KCNQ1: variants seen among roughly 807,000 people sequenced by gnomAD.
KCNQ1 encodes the protein potassium voltage-gated channel subfamily KQT member 1.
In KCNQ1, 49 loss-of-function variants were observed where a neutral mutation model predicts 72.4. The observed-to-expected ratio is 0.68, with a 90% CI of 0.54 to 0.86. The LOEUF (loss-of-function observed/expected upper bound fraction) is 0.86, where lower values mean the gene tolerates loss of function less well. Ranked by LOEUF, KCNQ1 falls within the 40% of genes least tolerant of loss-of-function variation. The pLI is 0.00. For missense variants in KCNQ1, 790 were observed against 945.1 expected (o/e 0.84, Z 2.15); for synonymous variants, 450 against 412.6 (o/e 1.09, Z -1.10).
rs1037193605 is a variant in KCNQ1, at chr11:2,679,483, T to A, written c.1514+17402T>A. On this transcript the variant is annotated intron_variant, in intron 11 of 15. Coordinates refer to ENST00000155840, the MANE Select transcript of KCNQ1 (RefSeq NM_000218.3). The surrounding 1 kb of genome is among the most constrained non-coding windows in gnomAD (Gnocchi z 4.8). ...TATAAAGTATGCAGAAAAGTGCCTGTCCTATAGTAGTGACACAGTGTTACT... is the reference window on the plus strand; with the variant it reads ...TATAAAGTATGCAGAAAAGTGCCTGACCTATAGTAGTGACACAGTGTTACT... 5.0e-6 allele frequency: 2 copies of A among 398,534 alleles called. No homozygotes were observed. Among genetic ancestry groups the A allele is most frequent in the Non-Finnish European group, 8.8e-6 (2 of 226,078 alleles). The allele number at this position is 398,534 out of a possible 1,614,324, so 24.7% of individuals were successfully genotyped here.
intron 1 of KCNQ1, among the ~76,000 whole-genome samples, chr11:2,514,775 G>A (rs1847262223): frequency 6.6e-6 from 1 of 152,182 alleles, no homozygotes; most frequent in Admixed American, 6.5e-5. Context: ...GCAGTGAGCC[G>A]AGATTGCGCC....
At position 2,848,744 on chromosome 11, in the gene KCNQ1, C is replaced by T. The variant is rs748877199; in HGVS notation, c.*741C>T. On this transcript the variant is annotated 3_prime_UTR_variant, in exon 16 of 16. Transcript: ENST00000155840. ...CTGAGCCCACTGTGCGTGGGGCTCC[C>T]GCCTCCAACCCCTCGCCCAGTCCCA... is the stretch of plus-strand genomic sequence containing the variant. 5.9e-5 allele frequency: 27 copies of T among 453,878 alleles called. No homozygotes were observed. The highest frequency in any genetic ancestry group is 1.4e-4 in the South Asian group (9 of 64,478). The allele number at this position is 453,878 out of a possible 1,614,324, so 28.1% of individuals were successfully genotyped here. A position where few individuals can be genotyped will look rare whatever the true frequency, so the allele number is the denominator to read the frequency against.
intron 11 of KCNQ1, among the ~76,000 whole-genome samples, chr11:2,700,316 C>T (rs1236940579): frequency 6.6e-6 from 1 of 152,158 alleles, no homozygotes; most frequent in Non-Finnish European, 1.5e-5. Flanking sequence ...CCAGCCTCAG[C>T]GTTGGCATCG....
intron 11 of KCNQ1, among the ~76,000 whole-genome samples, chr11:2,721,834 C>T (rs550650242): frequency 6.6e-6 from 1 of 152,362 alleles, no homozygotes; most frequent in South Asian, 2.1e-4. Context: ...TCTGTCCATC[C>T]ATCCATCTGT....
Position 2,692,777 on chromosome 11 carries a change from G to A in KCNQ1, c.1514+30696G>A, listed in dbSNP as rs374627721. 11 of 398,686 alleles carry A rather than the reference G, an allele frequency of 2.8e-5. No individual in the cohort carries two copies. The South Asian group carries it at 8.9e-4, about 32-fold the overall frequency. 24.7% of individuals were successfully genotyped at this position (398,686 alleles called of 1,614,324 possible). On this transcript the variant is annotated intron_variant, in intron 11 of 15. Transcript: ENST00000155840. ...GGCCAGGGTCTAGTACCTGCTGAGT[G>A]TTTGACAAATATTTCTTGAATGACT...
At chr11:2,452,393 G>T (rs1846129878) in intron 1 of KCNQ1, among the ~76,000 whole-genome samples, 1 of 152,180 alleles carries the variant, frequency 6.6e-6, no homozygotes, top group African/African-American at 2.4e-5. Flanking sequence ...ACCCCACCCT[G>T]GGGCCAGGGG....
chr11:2,830,425 C>T lies in KCNQ1; in HGVS notation c.1795-17342C>T, dbSNP rs1307666561. Among the ~76,000 whole-genome samples the T allele has an allele frequency of 6.6e-6, 1 of 152,068 alleles. No homozygotes were observed. The highest frequency in any genetic ancestry group is 2.4e-5 in the African/African-American group (1 of 41,400). On this transcript the variant is annotated intron_variant, in intron 15 of 15. Coordinates refer to ENST00000155840, the MANE Select transcript of KCNQ1 (RefSeq NM_000218.3). The surrounding 1 kb of genome is among the most constrained non-coding windows in gnomAD (Gnocchi z 7.7). Reference sequence around the variant, plus strand: ...CCGGGATCTAAGTCCCTGTTAAGTCCCCTGTTAAAGGACCTAGGTCCTCCC... The same window carrying T: ...CCGGGATCTAAGTCCCTGTTAAGTCTCCTGTTAAAGGACCTAGGTCCTCCC...
In KCNQ1 at chr11:2,668,319, G is replaced by A. The variant is rs1195884145; in HGVS notation, c.1514+6238G>A. On this transcript the variant is annotated intron_variant, in intron 11 of 15. Transcript: ENST00000155840. This position sits in a 1 kb window ranked among gnomAD's most constrained non-coding sequence, Gnocchi z 4.3. ...CAGGTTGCGTTTCTGGGGAATATAT[G>A]CCTATGTGTGGAGCTGCAGGGTCCT... The A allele has an allele frequency of 7.5e-6, 3 of 398,488 alleles. No homozygotes were observed. Among genetic ancestry groups the A allele is most frequent in the Non-Finnish European group, 1.3e-5 (3 of 226,092 alleles). The allele number at this position is 398,488 out of a possible 1,614,324, so 24.7% of individuals were successfully genotyped here.
At chr11:2,789,368 C>G (rs932298768) in intron 15 of KCNQ1, among the ~76,000 whole-genome samples, 1 of 152,198 alleles carries the variant, frequency 6.6e-6, no homozygotes, top group African/African-American at 2.4e-5. Flanking sequence ...AGAAAAGCAC[C>G]AGGGTCGGGC....
intron 2 of KCNQ1, among the ~76,000 whole-genome samples, chr11:2,558,023 A>T (rs1848097301): frequency 6.6e-6 from 1 of 152,262 alleles, no homozygotes; most frequent in African/African-American, 2.4e-5. Flanking sequence ...AAATGATTAA[A>T]AGATTGGGGA....
chr11:2,673,616 C>T lies in KCNQ1; in HGVS notation c.1514+11535C>T. 2.5e-6 allele frequency: 1 copy of T among 398,778 alleles called. No homozygotes were observed. The highest frequency in any genetic ancestry group is 4.4e-5 in the Admixed American group (1 of 22,746). The allele number at this position is 398,778 out of a possible 1,614,324, so 24.7% of individuals were successfully genotyped here. A position where few individuals can be genotyped will look rare whatever the true frequency, so the allele number is the denominator to read the frequency against. On this transcript the variant is annotated intron_variant, in intron 11 of 15. Coordinates refer to ENST00000155840, the MANE Select transcript of KCNQ1 (RefSeq NM_000218.3). The surrounding 1 kb of genome is among the most constrained non-coding windows in gnomAD (Gnocchi z 4.5). ...AGAGAAGCTAAACGTGACCAGCCTA[C>T]CCACCTTGCTACTGCTGATGACCAC...
rs55865890 is a variant in KCNQ1, at chr11:2,501,718, C to CAAAAAAAAAAAAAA, written c.387-26194_387-26181dup. ...TTACCAAAACCAGACAAAGATACAT[C>CAAAAAAAAAAAAAA]AAAAAAAAAAAAAAAAAAAAAAAAA... is the stretch of plus-strand genomic sequence containing the variant. On this transcript the variant is annotated intron_variant, in intron 1 of 15. Coordinates refer to ENST00000155840, the MANE Select transcript of KCNQ1 (RefSeq NM_000218.3). Among the ~76,000 whole-genome samples, 8 of 68,906 alleles carry CAAAAAAAAAAAAAA rather than the reference C, an allele frequency of 1.2e-4. 1 individual carries two copies. The highest frequency in any genetic ancestry group is 1.7e-4 in the Non-Finnish European group (6 of 34,646). 45.2% of individuals were successfully genotyped at this position (68,906 alleles called of 152,430 possible).
chr11:2,733,814 A>ACACACACACACACACACACTCT lies in KCNQ1; in HGVS notation c.1515-35029_1515-35028insACACACACACACACACACTCTC. Among the ~76,000 whole-genome samples, 251 of 86,422 alleles carry ACACACACACACACACACACTCT rather than the reference A, an allele frequency of 2.9e-3. 5 individuals are homozygous for ACACACACACACACACACACTCT. Among genetic ancestry groups the ACACACACACACACACACACTCT allele is most frequent in the Middle Eastern group, 6.9e-3 (1 of 144 alleles). 56.7% of individuals were successfully genotyped at this position (86,422 alleles called of 152,430 possible). ...CACACACACACACACACACACACACACTCTCTCACTCTCTCTCTCTCTCTC... is the reference window on the plus strand; with the variant it reads ...CACACACACACACACACACACACACACACACACACACACACACACTCTCTCTCTCACTCTCTCTCTCTCTCTC... On this transcript the variant is annotated intron_variant, in intron 11 of 15. Coordinates refer to ENST00000155840, the MANE Select transcript of KCNQ1 (RefSeq NM_000218.3).
intron 2 of KCNQ1, among the ~76,000 whole-genome samples, chr11:2,534,347 G>A (rs1032464127): frequency 5.3e-5 from 8 of 152,244 alleles, no homozygotes; most frequent in African/African-American, 1.4e-4. Flanking sequence ...GGCCTGGGGC[G>A]GTTTCCCGCA....
Position 2,848,223 on chromosome 11 carries a change from G to A in KCNQ1, c.*220G>A. ...GGCCGGTGTGGGGGCCCCGTCTCAG[G>A]TCTGAGTTGTTACCCCAAGCGCCCT... On this transcript the variant is annotated 3_prime_UTR_variant, in exon 16 of 16. Transcript: ENST00000155840. The A allele has an allele frequency of 3.0e-6, 2 of 662,212 alleles. No homozygotes were observed. The highest frequency in any genetic ancestry group is 2.7e-6 in the Non-Finnish European group (1 of 365,590). 41.0% of individuals were successfully genotyped at this position (662,212 alleles called of 1,614,324 possible).
rs920595305 is a variant in KCNQ1, at chr11:2,627,083, T to C, written c.1394-34878T>C. 1.0e-5 allele frequency: 4 copies of C among 398,490 alleles called. No individual in the cohort carries two copies. Among genetic ancestry groups the C allele is most frequent in the Non-Finnish European group, 1.8e-5 (4 of 226,070 alleles). The allele number at this position is 398,490 out of a possible 1,614,324, so 24.7% of individuals were successfully genotyped here. Reference sequence around the variant, plus strand: ...GGAGGTGTTTTCCCTTTATGTCTACTTTAATTTCTTTCAGCATTGTTTTGT... The same window carrying C: ...GGAGGTGTTTTCCCTTTATGTCTACCTTAATTTCTTTCAGCATTGTTTTGT... On this transcript the variant is annotated intron_variant, in intron 10 of 15. Transcript: ENST00000155840. This position sits in a 1 kb window ranked among gnomAD's most constrained non-coding sequence, Gnocchi z 4.9.
intron 1 of KCNQ1, among the ~76,000 whole-genome samples, chr11:2,456,479 C>T (rs572409591): frequency 2.0e-5 from 3 of 152,084 alleles, no homozygotes; most frequent in Non-Finnish European, 2.9e-5. Context: ...TAAAGAGCTG[C>T]TGCACAGCAA....
In KCNQ1 at chr11:2,526,312, C is replaced by T. The variant is rs983977182; in HGVS notation, c.387-1616C>T. Reference sequence around the variant, plus strand: ...TGGGCAGGGTGCAGACAGGGGCTGGCTGGGTTCGGCTCTGCAGGTAGAGCT... The same window carrying T: ...TGGGCAGGGTGCAGACAGGGGCTGGTTGGGTTCGGCTCTGCAGGTAGAGCT... On this transcript the variant is annotated intron_variant, in intron 1 of 15. Transcript: ENST00000155840. The surrounding 1 kb of genome is among the most constrained non-coding windows in gnomAD (Gnocchi z 6.1). Among the ~76,000 whole-genome samples, 9 of 151,944 alleles carry T rather than the reference C, an allele frequency of 5.9e-5. No homozygotes were observed. Among genetic ancestry groups the T allele is most frequent in the African/African-American group, 2.2e-4 (9 of 41,354 alleles).
Position 2,492,204 on chromosome 11 carries a change from G to A in KCNQ1, c.387-35724G>A, listed in dbSNP as rs188978277. Among the ~76,000 whole-genome samples, 3 of 152,252 alleles carry A rather than the reference G, an allele frequency of 2.0e-5. No individual in the cohort carries two copies. Among genetic ancestry groups the A allele is most frequent in the Non-Finnish European group, 1.5e-5 (1 of 68,030 alleles). On this transcript the variant is annotated intron_variant, in intron 1 of 15. Transcript: ENST00000155840. This position sits in a 1 kb window ranked among gnomAD's most constrained non-coding sequence, Gnocchi z 4.1. ...TATTATAACACTGTAATTATGGTGT[G>A]TAAACTACTCATATATTAAGTAGAA...
Sources: allele counts gnomAD v4.1 joint callset (sites outside exome capture counted in the v4.1 genomes callset), GRCh38; gene constraint gnomAD v4.1.1; non-coding constraint Gnocchi (gnomAD v3.1); transcripts MANE v1.5; gene names NCBI Gene and HGNC (gene_info 2026-07-23, HGNC 2026-07-21).